Variants in INO80 observed in about 807,000 individuals in gnomAD.
INO80 encodes the protein chromatin-remodeling ATPase INO80.
In INO80, 20 loss-of-function variants were observed where a neutral mutation model predicts 203.4. That is an observed-to-expected ratio of 0.10 (90% confidence interval 0.07 to 0.14). The LOEUF is 0.14. Among genes scored for constraint, INO80 ranks in the 10% least tolerant of loss-of-function variants. INO80 has a pLI of 1.00. For synonymous variants in INO80, 726 were observed against 685.2 expected (o/e 1.06, Z -0.93); for missense variants, 1,419 against 1,914.4 (o/e 0.74, Z 4.83).
chr15:40,983,084 G>T lies in INO80; in HGVS notation c.4238-7C>A, dbSNP rs1227158529. On this transcript the variant is annotated splice_region_variant and splice_polypyrimidine_tract_variant and intron_variant, in intron 34 of 35. Coordinates refer to ENST00000648947, the MANE Select transcript of INO80 (RefSeq NM_017553.3). ...ATTTCCTGAATGGAAATTCCTGTGG[G>T]AACAAATGGGCCAAAAGGGAAAGAA... The T allele has an allele frequency of 8.1e-6, 13 of 1,601,634 alleles. No individual in the cohort carries two copies. The highest frequency in any genetic ancestry group is 1.1e-5 in the Non-Finnish European group (13 of 1,171,806).
intron 6 of INO80, 108 bp from the exon 7 acceptor site, chr15:41,085,691 A>C: frequency 1.3e-6 from 1 of 754,064 alleles, no homozygotes; most frequent in Non-Finnish European, 2.2e-6. Flanking sequence ...CCTGACACTG[A>C]CAACACATAT....
chr15:41,016,004 G>A (rs2044201933), intron 27 of INO80, 84 bp downstream of exon 27: 1 of 1,067,098 alleles, frequency 9.4e-7, no homozygotes. Flanking sequence ...CTCCCATTAA[G>A]CAGGACTAAC....
intron 26 of INO80, chr15:41,019,384 G>A (rs922033568): frequency 6.6e-6 from 1 of 152,222 alleles, no homozygotes; most frequent in African/African-American, 2.4e-5. Context: ...AACAGCCAGT[G>A]AGGCTGGTGC....
intron 1 of INO80, among the ~76,000 whole-genome samples, chr15:41,103,109 C>T (rs184470567): frequency 6.6e-6 from 1 of 152,224 alleles, no homozygotes; most frequent in East Asian, 1.9e-4. Context: ...TCTGTCTTTC[C>T]TATTTATATA....
At chr15:41,073,613 G>A (rs553243305) in intron 10 of INO80, 118 bp from the exon 11 acceptor site, 15 of 824,158 alleles carry the variant, frequency 1.8e-5, no homozygotes, top group Admixed American at 7.7e-5. Flanking sequence ...CTGGGTTCAC[G>A]GAGGGTGGGG....
At chr15:41,037,503 C>A (rs566943987) in intron 24 of INO80, among the ~76,000 whole-genome samples, 14 of 151,652 alleles carry the variant, frequency 9.2e-5, no homozygotes, top group African/African-American at 3.1e-4. Context: ...GACTCCATCT[C>A]CAAAAAAATT....
At chr15:41,096,923 T>C (rs1439648124) in intron 1 of INO80, among the ~76,000 whole-genome samples, 2 of 152,212 alleles carry the variant, frequency 1.3e-5, no homozygotes, top group Non-Finnish European at 2.9e-5. Flanking sequence ...ATTTAGAAAA[T>C]TGGAGCTAAA....
chr15:40,996,964 T>C (rs929529022), intron 29 of INO80, among the ~76,000 whole-genome samples: 5 of 152,300 alleles, frequency 3.3e-5, no homozygotes, highest in East Asian at 1.9e-4. Context: ...AGTGAAATAT[T>C]TGTCGAATGA....
intron 35 of INO80, among the ~76,000 whole-genome samples, chr15:40,981,728 T>C (rs1013626296): frequency 6.6e-6 from 1 of 152,196 alleles, no homozygotes; most frequent in African/African-American, 2.4e-5. Context: ...GCTACAATCA[T>C]CCTTCACATA....
At chr15:41,047,572 C>T (rs1227916209) in intron 22 of INO80, 71 bp from the exon 23 acceptor site, 2 of 1,074,522 alleles carry the variant, frequency 1.9e-6, no homozygotes, top group Non-Finnish European at 2.8e-6. Context: ...GCCTGCTCAA[C>T]TGCTGAGTTT....
chr15:41,079,318 C>T (rs1366307379), intron 9 of INO80, among the ~76,000 whole-genome samples: 4 of 152,072 alleles, frequency 2.6e-5, no homozygotes, highest in African/African-American at 9.7e-5. Context: ...TACTTTCTTT[C>T]TCTTTTGCTC....
rs2045324968 is a variant in INO80, at chr15:41,071,949, A to G, written c.1505T>C (p.Ile502Thr). 1 of 1,613,910 alleles carries G rather than the reference A, an allele frequency of 6.2e-7. No homozygotes were observed. Among genetic ancestry groups the G allele is most frequent in the African/African-American group, 1.3e-5 (1 of 74,902 alleles). ...CTGTGGAATATCCTCACCAGCCCGG[A>G]TAGATGGGTTAGCCAGGCTATAACT... ...GESYSLANPS[I>T]RAGEDIPQPT... The change falls in exon 12 of 36, where the codon ATC (isoleucine) becomes ACC (threonine). Residue 502 changes from isoleucine to threonine, a missense_variant. Ile to Thr is a moderately conservative substitution (Grantham distance 89). Coordinates refer to ENST00000648947, the MANE Select transcript of INO80 (RefSeq NM_017553.3).
chr15:40,985,283 T>TAAA, intron 32 of INO80, 55 bp downstream of exon 32: 1 of 1,297,260 alleles, frequency 7.7e-7, no homozygotes, highest in Non-Finnish European at 1.1e-6. Flanking sequence ...AAAGCCTTTT[T>TAAA]GGTAAGTACC....
At chr15:41,036,185 A>AC (rs1417436564) in intron 24 of INO80, among the ~76,000 whole-genome samples, 4 of 145,604 alleles carry the variant, frequency 2.7e-5, no homozygotes, top group East Asian at 2.0e-4. Context: ...AAAAAAAAAA[A>AC]CCCAAAAAAA....
chr15:41,095,873 C>A lies in INO80; in HGVS notation c.199G>T (p.Asp67Tyr), dbSNP rs2045715788. 1 of 1,613,814 alleles carries A rather than the reference C, an allele frequency of 6.2e-7. No homozygotes were observed. Among genetic ancestry groups the A allele is most frequent in the Non-Finnish European group, 8.5e-7 (1 of 1,179,740 alleles). ...TCTTCCTTAACTTGTATTAAGGGAT[C>A]CCCAGACTGGGGCAATAATGGATTA... is the stretch of plus-strand genomic sequence containing the variant. Reference protein sequence around the residue: ...DSNPLLPQSGDPLIQVKEEPP... With the variant: ...DSNPLLPQSGYPLIQVKEEPP... Residue 67 changes from aspartate to tyrosine, a missense_variant, in exon 3 of 36, where the codon GAT becomes TAT. Transcript: ENST00000648947.
chr15:40,981,622 A>G (rs1471646377), intron 35 of INO80, among the ~76,000 whole-genome samples: 1 of 152,226 alleles, frequency 6.6e-6, no homozygotes, highest in Non-Finnish European at 1.5e-5. Context: ...ACTTGCTACA[A>G]CTATGAGCTC....
rs760614635 is a variant in INO80, at chr15:41,016,159, T to A, written c.3331A>T (p.Thr1111Ser). The change falls in exon 27 of 36, where the codon ACT becomes TCT. Residue 1111 changes from threonine (T) to serine (S), a missense_variant. Physicochemically the swap from Thr to Ser is moderately conservative, Grantham distance 58. Coordinates refer to ENST00000648947, the MANE Select transcript of INO80 (RefSeq NM_017553.3). ...GKLYALDVLL[T>S]RLKSQGHRVL... The stretch of plus-strand genomic sequence containing the variant: ...CTATGCCCTTGAGACTTGAGCCGAG[T>A]CAGCAGGACATCAAGGGCATACAGC... 6.1e-5 allele frequency: 98 copies of A among 1,613,240 alleles called. 1 individual carries two copies. In the Middle Eastern group the frequency reaches 9.9e-4, roughly 16 times the overall value.
At chr15:41,064,824 C>T (rs540854271) in intron 14 of INO80, among the ~76,000 whole-genome samples, 2 of 152,186 alleles carry the variant, frequency 1.3e-5, no homozygotes, top group African/African-American at 2.4e-5. Context: ...TGGGGAAACT[C>T]AGCCTCTACT....
chr15:41,059,921 T>C lies in INO80; in HGVS notation c.1788A>G (p.Leu596=). The part of the protein sequence containing the change: ...FTRFVPKFKV[L]PYWGNPHDRK... ...TATCATGAGGATTTCCCCAATATGGTAGCACCTAGAAAAAGGGCCAATATA... is the reference window on the plus strand; with the variant it reads ...TATCATGAGGATTTCCCCAATATGGCAGCACCTAGAAAAAGGGCCAATATA... The change falls in exon 15 of 36, where the codon CTA becomes CTG. Residue 596 remains leucine, a synonymous_variant. Transcript: ENST00000648947. 6.2e-7 allele frequency: 1 copy of C among 1,607,374 alleles called. No individual in the cohort carries two copies. Among genetic ancestry groups the C allele is most frequent in the Non-Finnish European group, 8.5e-7 (1 of 1,175,396 alleles).
Sources: allele counts gnomAD v4.1 joint callset (sites outside exome capture counted in the v4.1 genomes callset), GRCh38; gene constraint gnomAD v4.1.1; transcripts MANE v1.5; gene names NCBI Gene and HGNC (gene_info 2026-07-23, HGNC 2026-07-21).